ARRB2: variants seen among roughly 807,000 people sequenced by gnomAD.
The protein encoded by ARRB2 is arrestin beta 2, also known as beta-arrestin-2.
Under a neutral mutation model 53.4 loss-of-function variants are expected in ARRB2, and 21 were observed. That is an observed-to-expected ratio of 0.39 (90% CI 0.28 to 0.57). ARRB2 has a LOEUF of 0.57. Among genes scored for constraint, ARRB2 ranks in the 20% least tolerant of loss-of-function variants. The pLI, the probability that ARRB2 is intolerant of heterozygous loss-of-function variation, is 0.55. For missense variants in ARRB2, 369 were observed against 527.5 expected (o/e 0.70, Z 2.94); for synonymous variants, 180 against 212.9 (o/e 0.85, Z 1.34).
At chr17:4,718,728 G>T in intron 10 of ARRB2, 44 bp downstream of exon 10, 1 of 1,571,608 alleles carries the variant, frequency 6.4e-7, no homozygotes. Flanking sequence ...GGGGAGAAGA[G>T]CAGGATCAGG....
chr17:4,716,151 C>T lies in ARRB2; in HGVS notation c.120C>T (p.Gly40=), dbSNP rs202021133. 107 of 1,614,008 alleles carry T rather than the reference C, an allele frequency of 6.6e-5. No homozygotes were observed. Among genetic ancestry groups the T allele is most frequent in the Admixed American group, 1.8e-4 (11 of 59,988 alleles). The change falls in exon 4 of 15, where the codon GGC becomes GGT. Residue 40 remains glycine, a synonymous_variant. Coordinates refer to ENST00000269260, the MANE Select transcript of ARRB2 (RefSeq NM_004313.4). The stretch of plus-strand genomic sequence containing the variant: ...GCTGGTGTGTCCCCCTCCTAGATGG[C>T]GTGGTGCTTGTGGACCCTGACTACC... ...DHLDKVDPVD[G]VVLVDPDYLK... is the part of the protein sequence containing the mutation.
Position 4,717,919 on chromosome 17 carries a change from C to A in ARRB2, c.517C>A (p.Gln173Lys), listed in dbSNP as rs1427288370. ...NSVRLVIRKV[Q>K]FAPEKPGPQP... is the part of the protein sequence containing the mutation. ...TGTGCGGCTGGTGATCCGAAAGGTG[C>A]AGTTCGCCCCGGAGAAACCCGGCCC... is the stretch of plus-strand genomic sequence containing the variant. Residue 173 changes from glutamine to lysine, a missense_variant, in exon 8 of 15, where the codon CAG becomes AAG. Gln to Lys is a moderately conservative substitution (Grantham distance 53). Coordinates refer to ENST00000269260, the MANE Select transcript of ARRB2 (RefSeq NM_004313.4). The surrounding 1 kb of genome is among the most constrained non-coding windows in gnomAD (Gnocchi z 6.0). 6.2e-7 allele frequency: 1 copy of A among 1,613,920 alleles called. No individual in the cohort carries two copies. Among genetic ancestry groups the A allele is most frequent in the Non-Finnish European group, 8.5e-7 (1 of 1,180,026 alleles).
At chr17:4,715,567 G>T in intron 2 of ARRB2, 2 of 178,660 alleles carry the variant, frequency 1.1e-5, no homozygotes, top group Non-Finnish European at 1.0e-5. Context: ...ACACACACAC[G>T]GACACACACA....
intron 2 of ARRB2, 75 bp downstream of exon 2, chr17:4,715,118 C>T (rs1914811512): frequency 1.3e-6 from 2 of 1,515,282 alleles, no homozygotes; most frequent in Non-Finnish European, 1.8e-6. Context: ...TAGACGATCC[C>T]CAACCTACCC....
chr17:4,719,147 C>T (rs939686768), intron 10 of ARRB2, 136 bp from the exon 11 acceptor site: 16 of 1,089,304 alleles, frequency 1.5e-5, no homozygotes, highest in Non-Finnish European at 2.1e-5. Flanking sequence ...CACGTTGAGC[C>T]AAAACCTACT....
chr17:4,721,178 A>C lies in ARRB2; in HGVS notation c.*139A>C. 6.3e-6 allele frequency: 5 copies of C among 788,142 alleles called. No homozygotes were observed. Among genetic ancestry groups the C allele is most frequent in the East Asian group, 2.8e-5 (1 of 36,248 alleles). 48.8% of individuals were successfully genotyped at this position (788,142 alleles called of 1,614,324 possible). A position where few individuals can be genotyped will look rare whatever the true frequency, so the allele number is the denominator to read the frequency against. On this transcript the variant is annotated 3_prime_UTR_variant, in exon 15 of 15. Transcript: ENST00000269260. This position sits in a 1 kb window ranked among gnomAD's most constrained non-coding sequence, Gnocchi z 4.2. ...AAGCTTCTTCAACCAATCCCTTCAC[A>C]CTCTCTCCCCCATCCCCCCAAGATA...
chr17:4,720,361 G>T lies in ARRB2; in HGVS notation c.1002-32G>T, dbSNP rs528683904. 4.3e-6 allele frequency: 7 copies of T among 1,613,324 alleles called. No homozygotes were observed. In the African/African-American group the frequency reaches 5.4e-5, roughly 12 times the overall value. The stretch of plus-strand genomic sequence containing the variant: ...TGGCTCTCTCTAGTCCCATGTCGTC[G>T]TCCTCTTCACGATGCCTCTCCCCTT... On this transcript the variant is annotated intron_variant, in intron 12 of 14. Transcript: ENST00000269260.
At position 4,719,359 on chromosome 17, in the gene ARRB2, C is replaced by T. The variant is rs776036872; in HGVS notation, c.856C>T (p.Arg286Trp). 6 of 1,614,010 alleles carry T rather than the reference C, an allele frequency of 3.7e-6. No individual in the cohort carries two copies. The highest frequency in any genetic ancestry group is 2.7e-5 in the African/African-American group (2 of 74,916). ...TPLLSDNREK[R>W]GLALDGKLKH... ...ACTGCTCAGCGACAACCGGGAGAAG[C>T]GGGGTCTCGCCCTGGATGGGAAACT... The change falls in exon 11 of 15, where the codon CGG becomes TGG. Residue 286 changes from arginine (R) to tryptophan (W), a missense_variant. Physicochemically the swap from Arg to Trp is moderately radical, Grantham distance 101. Transcript: ENST00000269260.
Position 4,720,246 on chromosome 17 carries a change from G to T in ARRB2, c.948G>T (p.Leu316=). The T allele has an allele frequency of 4.3e-6, 7 of 1,613,878 alleles. No homozygotes were observed. The highest frequency in any genetic ancestry group is 5.9e-6 in the Non-Finnish European group (7 of 1,179,904). ...IVKEGANKEV[L]GILVSYRVKV... is the part of the protein sequence containing the mutation. ...AGGAGGGTGCCAACAAGGAGGTGCTGGGAATCCTGGTGTCCTACAGGGTCA... is the reference window on the plus strand; with the variant it reads ...AGGAGGGTGCCAACAAGGAGGTGCTTGGAATCCTGGTGTCCTACAGGGTCA... Residue 316 remains leucine (L), a synonymous_variant, in exon 12 of 15, where the codon CTG becomes CTT. Transcript: ENST00000269260.
At position 4,718,313 on chromosome 17, in the gene ARRB2, C is replaced by G; in HGVS notation, c.674C>G (p.Ser225Cys). ...GTAAATGTCCACGTCACCAACAACT[C>G]CACCAAGACCGTCAAGAAGATCAAA... ...LNVNVHVTNN[S>C]TKTVKKIKVS... Residue 225 changes from serine to cysteine, a missense_variant, in exon 9 of 15, where the codon TCC (serine) becomes TGC (cysteine). Physicochemically the swap from Ser to Cys is moderately radical, Grantham distance 112. Coordinates refer to ENST00000269260, the MANE Select transcript of ARRB2 (RefSeq NM_004313.4). The G allele has an allele frequency of 1.2e-6, 2 of 1,612,474 alleles. No individual in the cohort carries two copies. Among genetic ancestry groups the G allele is most frequent in the Non-Finnish European group, 1.7e-6 (2 of 1,179,348 alleles).
At position 4,718,276 on chromosome 17, in the gene ARRB2, G is replaced by A; in HGVS notation, c.637G>A (p.Glu213Lys). The A allele has an allele frequency of 1.2e-6, 2 of 1,611,962 alleles. No individual in the cohort carries two copies. Among genetic ancestry groups the A allele is most frequent in the Non-Finnish European group, 1.7e-6 (2 of 1,179,106 alleles). Reference protein sequence around the residue: ...SLDKELYYHGEPLNVNVHVTN... With the variant: ...SLDKELYYHGKPLNVNVHVTN... ...CCCCCAAAAGCTGTACTACCATGGG[G>A]AGCCCCTCAATGTAAATGTCCACGT... Residue 213 changes from glutamate (E) to lysine (K), a missense_variant, in exon 9 of 15, where the codon GAG becomes AAG. Glu to Lys is a moderately conservative substitution (Grantham distance 56, BLOSUM62 1). Coordinates refer to ENST00000269260, the MANE Select transcript of ARRB2 (RefSeq NM_004313.4).
At chr17:4,716,718 A>T (rs1429797879) in intron 5 of ARRB2, 110 bp downstream of exon 5, 1 of 1,459,742 alleles carries the variant, frequency 6.9e-7, no homozygotes, top group Non-Finnish European at 9.0e-7. Flanking sequence ...TGAGGCAGGG[A>T]CCCTAGATCC....
rs1274455219 is a variant in ARRB2, at chr17:4,717,157, T to G, written c.358-60T>G. 1.3e-6 allele frequency: 2 copies of G among 1,565,504 alleles called. No individual in the cohort carries two copies. Among genetic ancestry groups the G allele is most frequent in the Non-Finnish European group, 8.8e-7 (1 of 1,136,140 alleles). On this transcript the variant is annotated intron_variant, in intron 5 of 14. Transcript: ENST00000269260. This position sits in a 1 kb window ranked among gnomAD's most constrained non-coding sequence, Gnocchi z 6.0. Reference sequence around the variant, plus strand: ...CGTCTCCAGCCTCTTAGGTTGAGATTTGGAGGAAGATCTGGGGGCTTTCTG... The same window carrying G: ...CGTCTCCAGCCTCTTAGGTTGAGATGTGGAGGAAGATCTGGGGGCTTTCTG...
At position 4,718,316 on chromosome 17, in the gene ARRB2, C is replaced by G; in HGVS notation, c.677C>G (p.Thr226Ser). 1.2e-6 allele frequency: 2 copies of G among 1,612,458 alleles called. No individual in the cohort carries two copies. The highest frequency in any genetic ancestry group is 1.7e-6 in the Non-Finnish European group (2 of 1,179,296). Residue 226 changes from threonine (T) to serine (S), a missense_variant, in exon 9 of 15, where the codon ACC becomes AGC. Transcript: ENST00000269260. ...NVNVHVTNNSTKTVKKIKVSV... is the reference protein window; with the variant it reads ...NVNVHVTNNSSKTVKKIKVSV... Reference sequence around the variant, plus strand: ...AATGTCCACGTCACCAACAACTCCACCAAGACCGTCAAGAAGATCAAAGTC... The same window carrying G: ...AATGTCCACGTCACCAACAACTCCAGCAAGACCGTCAAGAAGATCAAAGTC...
intron 2 of ARRB2, chr17:4,715,705 A>ACG (rs2063799108): frequency 2.1e-6 from 1 of 467,170 alleles, no homozygotes; most frequent in Admixed American, 3.8e-5. Context: ...ACACACACAC[A>ACG]CACACACACA....
At chr17:4,720,129 C>G (rs1304806588) in intron 11 of ARRB2, 87 bp from the exon 12 acceptor site, 63 of 1,409,460 alleles carry the variant, frequency 4.5e-5, no homozygotes, top group Non-Finnish European at 5.5e-5. Context: ...AGTTTGTGGT[C>G]CTGCCCAGAG....
In ARRB2 at chr17:4,717,170, T is replaced by C; in HGVS notation, c.358-47T>C. On this transcript the variant is annotated intron_variant, in intron 5 of 14. Coordinates refer to ENST00000269260, the MANE Select transcript of ARRB2 (RefSeq NM_004313.4). This position sits in a 1 kb window ranked among gnomAD's most constrained non-coding sequence, Gnocchi z 6.0. ...TTAGGTTGAGATTTGGAGGAAGATC[T>C]GGGGGCTTTCTGGAAGAACTGAAGT... 2 of 1,593,872 alleles carry C rather than the reference T, an allele frequency of 1.3e-6. No homozygotes were observed. The highest frequency in any genetic ancestry group is 1.7e-6 in the Non-Finnish European group (2 of 1,161,712).
Position 4,721,063 on chromosome 17 carries a change from G to T in ARRB2, c.*24G>T. The T allele has an allele frequency of 6.2e-7, 1 of 1,605,572 alleles. No individual in the cohort carries two copies. Among genetic ancestry groups the T allele is most frequent in the Non-Finnish European group, 8.5e-7 (1 of 1,172,460 alleles). On this transcript the variant is annotated 3_prime_UTR_variant, in exon 15 of 15. Transcript: ENST00000269260. This position sits in a 1 kb window ranked among gnomAD's most constrained non-coding sequence, Gnocchi z 4.2. The stretch of plus-strand genomic sequence containing the variant: ...AGGAAGCGGGGTGGGAAGAAGGGAG[G>T]GGATGGGGTTGGGAGAGGTGAGGGC...
At position 4,716,403 on chromosome 17, in the gene ARRB2, C is replaced by T; in HGVS notation, c.161-9C>T. 6.2e-7 allele frequency: 1 copy of T among 1,614,070 alleles called. No homozygotes were observed. Among genetic ancestry groups the T allele is most frequent in the Non-Finnish European group, 8.5e-7 (1 of 1,179,992 alleles). On this transcript the variant is annotated splice_polypyrimidine_tract_variant and intron_variant, in intron 4 of 14. Coordinates refer to ENST00000269260, the MANE Select transcript of ARRB2 (RefSeq NM_004313.4). ...GCTCCTGACCACTCATCTCACCCTCCCTTGCCAGTGTTTGTGACCCTCACC... is the reference window on the plus strand; with the variant it reads ...GCTCCTGACCACTCATCTCACCCTCTCTTGCCAGTGTTTGTGACCCTCACC...
Sources: allele counts gnomAD v4.1 joint callset, GRCh38; gene constraint gnomAD v4.1.1; non-coding constraint Gnocchi (gnomAD v3.1); transcripts MANE v1.5; gene names NCBI Gene and HGNC (gene_info 2026-07-23, HGNC 2026-07-21).